ZNF475: variants seen among roughly 807,000 people sequenced by gnomAD.
ZNF475 encodes the protein zinc finger protein 475.
At chr5:122,167,254 C>T in the ZNF475 span, among the ~76,000 whole-genome samples, 2 of 152,084 alleles carry the variant, frequency 1.3e-5, no homozygotes, top group Non-Finnish European at 2.9e-5. Context: ...GGGCTCAGGT[C>T]CTGAAACTCT....
chr5:122,181,837 A>G, the ZNF475 span, among the ~76,000 whole-genome samples: 3 of 152,214 alleles, frequency 2.0e-5, no homozygotes, highest in Admixed American at 1.3e-4. Flanking sequence ...TGCTCTGCCA[A>G]TGAAGGTTAT....
chr5:122,174,777 T>C, the ZNF475 span, among the ~76,000 whole-genome samples: 6 of 152,242 alleles, frequency 3.9e-5, no homozygotes, highest in Admixed American at 6.5e-5. Flanking sequence ...ATTTGGCTCA[T>C]ACTTTCCATG....
chr5:122,180,133 T>C, the ZNF475 span: 2 of 152,824 alleles, frequency 1.3e-5, no homozygotes, highest in African/African-American at 4.8e-5. Context: ...CAAATATGAA[T>C]GTGTCTTGGT....
the ZNF475 span, among the ~76,000 whole-genome samples, chr5:122,167,982 G>T: frequency 6.6e-6 from 1 of 152,156 alleles, no homozygotes; most frequent in Non-Finnish European, 1.5e-5. Context: ...ATAGACCATT[G>T]AATGACTGTA....
At chr5:122,177,333 G>GT in the ZNF475 span, among the ~76,000 whole-genome samples, 2 of 152,206 alleles carry the variant, frequency 1.3e-5, no homozygotes, top group African/African-American at 4.8e-5. Context: ...AACAATGTCT[G>GT]TTATAAACTT....
At chr5:122,164,427 C>T in the ZNF475 span, among the ~76,000 whole-genome samples, 5 of 152,266 alleles carry the variant, frequency 3.3e-5, no homozygotes, top group South Asian at 1.0e-3. Flanking sequence ...AGTATAAAGC[C>T]AAGAGGAGGC....
the ZNF475 span, among the ~76,000 whole-genome samples, chr5:122,181,264 C>T: frequency 6.6e-6 from 1 of 152,062 alleles, no homozygotes; most frequent in African/African-American, 2.4e-5. Flanking sequence ...TCAAATAACC[C>T]CTCTTCCTGA....
At chr5:122,178,221 T>C in the ZNF475 span, among the ~76,000 whole-genome samples, 12 of 152,222 alleles carry the variant, frequency 7.9e-5, no homozygotes, top group Non-Finnish European at 1.2e-4. Context: ...GCCTGTGTCT[T>C]TATAGTAGAA....
At chr5:122,165,818 T>G in the ZNF475 span, among the ~76,000 whole-genome samples, 142 of 151,938 alleles carry the variant, frequency 9.3e-4, no homozygotes, top group African/African-American at 3.3e-3. Context: ...TTCCAAGGAA[T>G]GTACAAAGCA....
the ZNF475 span, chr5:122,180,096 C>T: frequency 1.3e-5 from 2 of 152,390 alleles, no homozygotes; most frequent in African/African-American, 4.8e-5. Context: ...TAAAAAAAAC[C>T]TTTGGGAACA....
At chr5:122,180,765 A>G in the ZNF475 span, among the ~76,000 whole-genome samples, 45 of 152,306 alleles carry the variant, frequency 3.0e-4, no homozygotes, top group East Asian at 7.2e-3. Context: ...GGAGAGTTTT[A>G]TAACAACCCA....
chr5:122,162,832 A>G, the ZNF475 span: 29 of 152,332 alleles, frequency 1.9e-4, no homozygotes, highest in African/African-American at 5.8e-4. Flanking sequence ...GACCCAAAGG[A>G]ATAAACTTTT....
the ZNF475 span, among the ~76,000 whole-genome samples, chr5:122,167,119 G>C: frequency 0.04 from 6,035 of 152,260 alleles, 400 homozygotes; most frequent in African/African-American, 0.14. Flanking sequence ...AGGAAGGGAT[G>C]CAGTTTCAGC....
the ZNF475 span, among the ~76,000 whole-genome samples, chr5:122,180,929 G>A: frequency 6.6e-6 from 1 of 152,132 alleles, no homozygotes; most frequent in Non-Finnish European, 1.5e-5. Context: ...TCCATAAACA[G>A]GTTGTTTACC....
the ZNF475 span, among the ~76,000 whole-genome samples, chr5:122,169,065 C>T: frequency 6.6e-6 from 1 of 152,192 alleles, no homozygotes; most frequent in Non-Finnish European, 1.5e-5. Flanking sequence ...CTATGTGGAA[C>T]AGATTGATCC....
chr5:122,176,431 T>C, the ZNF475 span, among the ~76,000 whole-genome samples: 3 of 152,208 alleles, frequency 2.0e-5, no homozygotes, highest in African/African-American at 7.2e-5. Context: ...ACAAAATCAA[T>C]GTTTTTCTCC....
the ZNF475 span, chr5:122,162,912 G>T: frequency 1.3e-5 from 2 of 152,098 alleles, no homozygotes; most frequent in African/African-American, 4.8e-5. Context: ...GGCTGACTCT[G>T]GACTTGTAAG....
chr5:122,179,630 T>A, the ZNF475 span: 5 of 1,534,396 alleles, frequency 3.3e-6, no homozygotes, highest in Non-Finnish European at 4.4e-6. Context: ...TTAGCATTCA[T>A]GAGCCACAAT....
the ZNF475 span, among the ~76,000 whole-genome samples, chr5:122,163,531 T>A: frequency 6.6e-6 from 1 of 152,204 alleles, no homozygotes. Flanking sequence ...GAAATCTCAA[T>A]TATTTGGCTT....
Sources: allele counts gnomAD v4.1 joint callset (sites outside exome capture counted in the v4.1 genomes callset), GRCh38; gene constraint gnomAD v4.1.1; transcripts MANE v1.5; gene names NCBI Gene and HGNC (gene_info 2026-07-23, HGNC 2026-07-21).